The following YBX3 variants were observed in gnomAD, a reference collection of about 807,000 sequenced individuals.
YBX3 encodes the protein Y-box-binding protein 3.
YBX3 carries 29 observed loss-of-function variants against 42.4 expected under a neutral mutation model. The ratio of observed to expected loss-of-function variants is 0.68; its 90% CI spans 0.51 to 0.93. YBX3 has a LOEUF of 0.93. Among genes scored for constraint, YBX3 ranks in the 40% least tolerant of loss-of-function variants. YBX3 has a pLI of 0.00. For synonymous variants in YBX3, 195 were observed against 189.8 expected, an observed-to-expected ratio of 1.03 and a Z score of -0.22; for missense variants, 517 against 527.5, an observed-to-expected ratio of 0.98 and a Z score of 0.19.
chr12:10,709,137 A>G (rs1948169792), intron 6 of YBX3, among the ~76,000 whole-genome samples: 1 of 152,212 alleles, frequency 6.6e-6, no homozygotes, highest in Non-Finnish European at 1.5e-5. Flanking sequence ...CAGACTGAAC[A>G]TAATGTTCGG....
chr12:10,703,957 TATA>T, intron 7 of YBX3, 91 bp downstream of exon 7: 1 of 1,189,388 alleles, frequency 8.4e-7, no homozygotes, highest in Non-Finnish European at 1.2e-6. Context: ...CTTCTAGATA[TATA>T]ATAAATCCAC....
chr12:10,712,243 G>A (rs1024587463), intron 5 of YBX3: 15 of 152,080 alleles, frequency 9.9e-5, no homozygotes, highest in African/African-American at 3.4e-4. Flanking sequence ...ACAAACATTC[G>A]GAGTTTTCTT....
chr12:10,707,763 T>TC (rs1948154088), intron 6 of YBX3, among the ~76,000 whole-genome samples: 1 of 152,068 alleles, frequency 6.6e-6, no homozygotes. Flanking sequence ...TCATACCCTC[T>TC]CCCCCTTCAT....
intron 6 of YBX3, among the ~76,000 whole-genome samples, chr12:10,707,023 T>A (rs184516316): frequency 2.4e-3 from 357 of 150,582 alleles, no homozygotes; most frequent in African/African-American, 8.3e-3. Context: ...TCTCAAAAAA[T>A]AAATAAATAA....
intron 3 of YBX3, chr12:10,716,079 C>A: frequency 2.9e-6 from 1 of 347,452 alleles, no homozygotes; most frequent in Non-Finnish European, 5.3e-6. Context: ...AGGCTGATCA[C>A]CTGATCATAT....
At chr12:10,699,883 A>C (rs1265009914) in intron 9 of YBX3, among the ~76,000 whole-genome samples, 1 of 152,188 alleles carries the variant, frequency 6.6e-6, no homozygotes, top group Non-Finnish European at 1.5e-5. Context: ...CATAAGAGCA[A>C]AAATTTTATA....
rs1402057738 is a variant in YBX3, at chr12:10,713,223, G to A, written c.561C>T (p.Gly187=). 6.2e-7 allele frequency: 1 copy of A among 1,611,556 alleles called. No individual in the cohort carries two copies. The highest frequency in any genetic ancestry group is 8.5e-7 in the Non-Finnish European group (1 of 1,179,350). ...YRRGYYGRRR[G]PPRNYAGEEE... is the part of the protein sequence containing the mutation. ...AGAGACAACGTACATTCCGGGGAGG[G>A]CCACGGCGCCTTCCATAGTAGCCAC... Residue 187 remains glycine (G), a synonymous_variant, in exon 5 of 10, where the codon GGC becomes GGT. Transcript: ENST00000228251.
chr12:10,701,814 C>T (rs1948082197), intron 8 of YBX3, 146 bp downstream of exon 8: 1 of 891,210 alleles, frequency 1.1e-6, no homozygotes, highest in Non-Finnish European at 1.7e-6. Context: ...ATGTACAAGG[C>T]ATACCCTATA....
intron 6 of YBX3, among the ~76,000 whole-genome samples, chr12:10,705,719 C>A (rs150596526): frequency 3.3e-5 from 5 of 152,034 alleles, no homozygotes; most frequent in African/African-American, 1.2e-4. Flanking sequence ...ATATACTATT[C>A]GTTATCAAAT....
rs750148254 is a variant in YBX3, at chr12:10,722,020, CTACGT to C, written c.262+825_262+829del. ...ACATTTCATCTTCCTGTTTCCCTTC[CTACGT>C]TACAAGTGCCAAGGTAACAATGTTT... On this transcript the variant is annotated intron_variant, in intron 1 of 9. Coordinates refer to ENST00000228251, the MANE Select transcript of YBX3 (RefSeq NM_003651.5). The C allele has an allele frequency of 4.6e-5, 7 of 152,446 alleles. No homozygotes were observed. In the East Asian group the frequency reaches 9.6e-4, roughly 21 times the overall value. 9.4% of individuals were successfully genotyped at this position (152,446 alleles called of 1,614,324 possible). A position where few individuals can be genotyped will look rare whatever the true frequency, so the allele number is the denominator to read the frequency against.
intron 8 of YBX3, 22 bp from the exon 9 acceptor site, chr12:10,701,375 TA>T (rs763119269): frequency 1.3e-6 from 1 of 780,842 alleles, no homozygotes; most frequent in Non-Finnish European, 2.4e-6. Flanking sequence ...AACAAAGCCA[TA>T]AATCAGATAA....
At chr12:10,718,229 T>C in intron 2 of YBX3, 108 bp from the exon 3 acceptor site, 4 of 889,334 alleles carry the variant, frequency 4.5e-6, no homozygotes, top group Middle Eastern at 2.3e-4. Context: ...ACACAACATA[T>C]ATTTTCACTT....
chr12:10,713,166 A>G lies in YBX3; in HGVS notation c.573+45T>C, dbSNP rs750459054. On this transcript the variant is annotated intron_variant, in intron 5 of 9. Transcript: ENST00000228251. The stretch of plus-strand genomic sequence containing the variant: ...CAAGTACATACACTTAATTCCATGC[A>G]TGAACAATTTCTCAATCACTGGTTA... 7 of 1,583,910 alleles carry G rather than the reference A, an allele frequency of 4.4e-6. No individual in the cohort carries two copies. In the East Asian group the frequency reaches 6.7e-5, roughly 15 times the overall value.
rs1948181156 is a variant in YBX3, at chr12:10,709,986, C to G, written c.702G>C (p.Gln234His). The G allele has an allele frequency of 6.2e-7, 1 of 1,614,224 alleles. No homozygotes were observed. The highest frequency in any genetic ancestry group is 8.5e-7 in the Non-Finnish European group (1 of 1,180,022). Reference sequence around the variant, plus strand: ...CCACGTGGTAAGGCGGGAACCGCCGCTGCCGGTACTGAGGGCGATACTGGG... The same window carrying G: ...CCACGTGGTAAGGCGGGAACCGCCGGTGCCGGTACTGAGGGCGATACTGGG... ...RRPQYRPQYRQRRFPPYHVGQ... is the reference protein window; with the variant it reads ...RRPQYRPQYRHRRFPPYHVGQ... The change falls in exon 6 of 10, where the codon CAG becomes CAC. Residue 234 changes from glutamine (Q) to histidine (H), a missense_variant. This residue lies in a region of YBX3 where 420 missense variants were observed against 408.5 expected (regional missense o/e 1.03). Transcript: ENST00000228251.
At chr12:10,709,556 C>T (rs1948174559) in intron 6 of YBX3, among the ~76,000 whole-genome samples, 1 of 152,196 alleles carries the variant, frequency 6.6e-6, no homozygotes, top group Non-Finnish European at 1.5e-5. Context: ...TTCTCAAAAC[C>T]TCACAAATAA....
intron 5 of YBX3, chr12:10,711,228 G>A (rs1255597662): frequency 1.3e-5 from 2 of 152,026 alleles, no homozygotes; most frequent in Non-Finnish European, 2.9e-5. Flanking sequence ...CAAAGACTGT[G>A]ATTTCAAGTC....
chr12:10,703,537 T>G (rs1360543290), intron 7 of YBX3: 2 of 434,196 alleles, frequency 4.6e-6, no homozygotes, highest in Non-Finnish European at 9.2e-6. Flanking sequence ...AATCCCCAAC[T>G]ATAGAATATC....
intron 9 of YBX3, 88 bp from the exon 10 acceptor site, chr12:10,699,742 A>G (rs757994984): frequency 2.0e-5 from 3 of 152,772 alleles, no homozygotes; most frequent in South Asian, 4.1e-4. Flanking sequence ...TGCTTTTCAT[A>G]TAATTAGAAA....
intron 6 of YBX3, among the ~76,000 whole-genome samples, chr12:10,709,170 G>GA (rs1294311256): frequency 1.3e-5 from 2 of 151,514 alleles, no homozygotes; most frequent in African/African-American, 2.4e-5. Context: ...GCGGTGAGGG[G>GA]AAAAAAAAGA....
Sources: gnomAD v4.1 joint callset for allele counts (sites outside exome capture counted in the v4.1 genomes callset) on GRCh38, gnomAD v4.1.1 for gene constraint, gnomAD v4.1.1 regional missense constraint, MANE v1.5 for transcripts, NCBI Gene and HGNC (gene_info 2026-07-23, HGNC 2026-07-21) for gene names.